Variants in PIAS1 observed in about 807,000 individuals in gnomAD.
PIAS1 encodes the protein protein inhibitor of activated STAT 1.
A neutral mutation model predicts 71.3 loss-of-function variants in PIAS1; 6 were observed. The ratio of observed to expected loss-of-function variants is 0.08; its 90% CI spans 0.05 to 0.17. PIAS1 has a LOEUF of 0.17. Among genes scored for constraint, PIAS1 ranks in the 10% least tolerant of loss-of-function variants. The pLI, the probability that PIAS1 is intolerant of heterozygous loss-of-function variation, is 1.00. For missense variants in PIAS1, 555 were observed against 793.6 expected (o/e 0.70, Z 3.61); for synonymous variants, 303 against 292.9 (o/e 1.03, Z -0.35).
At chr15:68,132,087 G>A (rs2092691990) in intron 2 of PIAS1, among the ~76,000 whole-genome samples, 1 of 151,652 alleles carries the variant, frequency 6.6e-6, no homozygotes, top group Non-Finnish European at 1.5e-5. Context: ...AACCCTAGAG[G>A]TAGTTACTAA....
At chr15:68,151,938 A>AT (rs1567065720) in intron 6 of PIAS1, among the ~76,000 whole-genome samples, 599 of 37,100 alleles carry the variant, frequency 0.016, 11 homozygotes, top group African/African-American at 0.048. Flanking sequence ...AAAATTTAGG[A>AT]ATTTTTTTTT....
chr15:68,149,169 T>C (rs753477228), intron 6 of PIAS1, among the ~76,000 whole-genome samples: 74 of 152,194 alleles, frequency 4.9e-4, no homozygotes, highest in Middle Eastern at 6.8e-3. Flanking sequence ...TTTGAAACTT[T>C]TGAGTTTGAA....
intron 2 of PIAS1, among the ~76,000 whole-genome samples, chr15:68,118,632 G>A (rs2092586255): frequency 6.6e-6 from 1 of 152,170 alleles, no homozygotes; most frequent in Non-Finnish European, 1.5e-5. Flanking sequence ...GTGATCCACT[G>A]TGCCCAGCTG....
chr15:68,158,270 G>A lies in PIAS1; in HGVS notation c.934+4575G>A, dbSNP rs1263355759. On this transcript the variant is annotated intron_variant, in intron 7 of 13. Coordinates refer to ENST00000249636, the MANE Select transcript of PIAS1 (RefSeq NM_016166.3). ...TGCTTATTACTTTCCAGGGTCGCCT[G>A]TATTTACTCTTCTTTTCATACTTCA... 2.0e-5 allele frequency among the ~76,000 whole-genome samples: 3 copies of A among 152,232 alleles called. No individual in the cohort carries two copies. In the East Asian group the frequency reaches 5.8e-4, roughly 29 times the overall value.
chr15:68,155,035 T>C (rs375413723), intron 7 of PIAS1, among the ~76,000 whole-genome samples: 1 of 152,150 alleles, frequency 6.6e-6, no homozygotes. Flanking sequence ...GAAGAGGGAA[T>C]ACCAAGAAAT....
rs1037827838 is a variant in PIAS1, at chr15:68,188,613, C to G, written c.*778C>G. 1.3e-5 allele frequency: 2 copies of G among 152,220 alleles called. No homozygotes were observed. The highest frequency in any genetic ancestry group is 2.4e-5 in the African/African-American group (1 of 41,456). 9.4% of individuals were successfully genotyped at this position (152,220 alleles called of 1,614,324 possible). ...TCCATCACATATTCTCTTATTTGCT[C>G]TGTACCCCCTGAGAATATGTTTTAG... On this transcript the variant is annotated 3_prime_UTR_variant, in exon 14 of 14. Transcript: ENST00000249636.
At position 68,054,609 on chromosome 15, in the gene PIAS1, G is replaced by T. The variant is rs555302514; in HGVS notation, c.24+259G>T. The T allele has an allele frequency of 2.6e-5, 11 of 419,920 alleles. No homozygotes were observed. The highest frequency in any genetic ancestry group is 8.1e-5 in the East Asian group (2 of 24,696). 26.0% of individuals were successfully genotyped at this position (419,920 alleles called of 1,614,324 possible). On this transcript the variant is annotated intron_variant, in intron 1 of 13. Coordinates refer to ENST00000249636, the MANE Select transcript of PIAS1 (RefSeq NM_016166.3). This position sits in a 1 kb window ranked among gnomAD's most constrained non-coding sequence, Gnocchi z 4.6. ...GGCGCCTCTGGCGGGGGTGGCGGGG[G>T]AAGAGATAGGGAGTCCGGAGGTAGG...
chr15:68,125,800 A>C (rs1024808266), intron 2 of PIAS1, among the ~76,000 whole-genome samples: 2 of 152,008 alleles, frequency 1.3e-5, no homozygotes, highest in African/African-American at 4.8e-5. Flanking sequence ...TCCTGAGCTT[A>C]AGCCATCCTC....
chr15:68,151,623 C>T (rs1031157826), intron 6 of PIAS1, among the ~76,000 whole-genome samples: 2 of 151,122 alleles, frequency 1.3e-5, no homozygotes, highest in African/African-American at 4.9e-5. Flanking sequence ...AGTTCAAGAC[C>T]AGCCTAGCCA....
intron 3 of PIAS1, 107 bp downstream of exon 3, chr15:68,142,137 A>G: frequency 2.1e-6 from 2 of 936,920 alleles, no homozygotes; most frequent in Non-Finnish European, 3.4e-6. Flanking sequence ...GTGTGATGCA[A>G]ATATTAGTAA....
At chr15:68,106,202 C>G (rs1057257549) in intron 2 of PIAS1, among the ~76,000 whole-genome samples, 2 of 151,842 alleles carry the variant, frequency 1.3e-5, no homozygotes, top group African/African-American at 4.8e-5. Flanking sequence ...AGAGTGCATT[C>G]ATTTGCACCC....
intron 11 of PIAS1, among the ~76,000 whole-genome samples, chr15:68,176,937 T>G (rs1294676405): frequency 2.0e-5 from 3 of 152,108 alleles, no homozygotes; most frequent in Non-Finnish European, 4.4e-5. Flanking sequence ...CTTAATAAAA[T>G]GCATACATTG....
At chr15:68,064,700 A>G (rs1311239391) in intron 1 of PIAS1, among the ~76,000 whole-genome samples, 3 of 152,218 alleles carry the variant, frequency 2.0e-5, no homozygotes, top group Admixed American at 1.3e-4. Flanking sequence ...TCCCAACTCT[A>G]TAGAGCTTCA....
At chr15:68,155,994 A>G (rs144980638) in intron 7 of PIAS1, among the ~76,000 whole-genome samples, 21 of 152,312 alleles carry the variant, frequency 1.4e-4, no homozygotes, top group Non-Finnish European at 2.4e-4. Flanking sequence ...TTTTTAGCTT[A>G]TCTACATTTG....
At chr15:68,089,257 A>G (rs1302163272) in intron 2 of PIAS1, among the ~76,000 whole-genome samples, 6 of 152,194 alleles carry the variant, frequency 3.9e-5, no homozygotes, top group African/African-American at 1.4e-4. Context: ...AACAATTTAA[A>G]ATAATTTTAA....
chr15:68,054,341 G>A lies in PIAS1; in HGVS notation c.15G>A (p.Ala5=). 6.3e-7 allele frequency: 1 copy of A among 1,577,488 alleles called. No individual in the cohort carries two copies. Among genetic ancestry groups the A allele is most frequent in the Non-Finnish European group, 8.6e-7 (1 of 1,162,316 alleles). MADS[A]ELKQMVMSLR... Reference sequence around the variant, plus strand: ...ACAGACGCAAGATGGCGGACAGTGCGGAACTAAAGGTAAAGCGCAGCTCGA... The same window carrying A: ...ACAGACGCAAGATGGCGGACAGTGCAGAACTAAAGGTAAAGCGCAGCTCGA... Residue 5 remains alanine (A), a synonymous_variant, in exon 1 of 14, where the codon GCG becomes GCA. Coordinates refer to ENST00000249636, the MANE Select transcript of PIAS1 (RefSeq NM_016166.3). The surrounding 1 kb of genome is among the most constrained non-coding windows in gnomAD (Gnocchi z 4.6).
At chr15:68,067,676 G>C (rs1015214371) in intron 1 of PIAS1, among the ~76,000 whole-genome samples, 1 of 151,988 alleles carries the variant, frequency 6.6e-6, no homozygotes, top group Non-Finnish European at 1.5e-5. Context: ...AGTAGAAATC[G>C]TGTTATTTTC....
At chr15:68,108,043 A>G (rs947850863) in intron 2 of PIAS1, among the ~76,000 whole-genome samples, 7 of 152,230 alleles carry the variant, frequency 4.6e-5, no homozygotes, top group African/African-American at 1.7e-4. Flanking sequence ...CCATCAATTT[A>G]TATAACCAAA....
At chr15:68,058,939 A>G (rs184416199) in intron 1 of PIAS1, among the ~76,000 whole-genome samples, 5 of 151,172 alleles carry the variant, frequency 3.3e-5, no homozygotes, top group Admixed American at 1.3e-4. Context: ...ATACAGGTCT[A>G]TATGATCATT....
Sources: allele counts gnomAD v4.1 joint callset (sites outside exome capture counted in the v4.1 genomes callset), GRCh38; gene constraint gnomAD v4.1.1; non-coding constraint Gnocchi (gnomAD v3.1); transcripts MANE v1.5; gene names NCBI Gene and HGNC (gene_info 2026-07-23, HGNC 2026-07-21).